RALYL: variants seen among roughly 807,000 people sequenced by gnomAD.
RALYL encodes the protein RNA-binding Raly-like protein.
A neutral mutation model predicts 35.1 loss-of-function variants in RALYL; 29 were observed. The observed-to-expected ratio is 0.83, with a 90% CI of 0.61 to 1.13. The LOEUF is 1.13. RALYL is among the 50% of genes most tolerant of loss of function. The probability of loss-of-function intolerance (pLI) is 0.00; values close to 1 mark genes in which losing one functional copy is unlikely to be tolerated. For synonymous variants in RALYL, 120 were observed against 127.6 expected (o/e 0.94, Z 0.40); for missense variants, 359 against 360.4 (o/e 1.00, Z 0.03).
intron 1 of RALYL, among the ~76,000 whole-genome samples, chr8:84,217,445 T>G (rs571562511): frequency 2.0e-5 from 3 of 152,226 alleles, no homozygotes; most frequent in African/African-American, 7.2e-5. Context: ...ATTTTGTATG[T>G]GCACCTAGAC....
intron 1 of RALYL, among the ~76,000 whole-genome samples, chr8:84,510,750 C>T (rs540393368): frequency 5.9e-5 from 9 of 151,614 alleles, no homozygotes; most frequent in East Asian, 3.9e-4. Flanking sequence ...GTGGAGGTTG[C>T]GGTGAGCTGA....
chr8:84,440,809 TA>T (rs2048249957), intron 1 of RALYL, among the ~76,000 whole-genome samples: 1 of 150,482 alleles, frequency 6.6e-6, no homozygotes, highest in Non-Finnish European at 1.5e-5. Context: ...TGAACAAAGC[TA>T]CATTAAGCTA....
chr8:84,894,636 G>T (rs1844426257), intron 8 of RALYL, among the ~76,000 whole-genome samples: 1 of 152,204 alleles, frequency 6.6e-6, no homozygotes. Context: ...GTTCTCAACA[G>T]AAATGGGATA....
chr8:84,275,495 T>TA (rs1563651982), intron 1 of RALYL, among the ~76,000 whole-genome samples: 18 of 151,380 alleles, frequency 1.2e-4, no homozygotes, highest in African/African-American at 4.4e-4. Context: ...ATATATATAT[T>TA]ATGAAATGGC....
chr8:84,732,312 C>T (rs1846327096), intron 2 of RALYL, among the ~76,000 whole-genome samples: 2 of 152,092 alleles, frequency 1.3e-5, no homozygotes, highest in African/African-American at 2.4e-5. Flanking sequence ...ATAGCCTCAT[C>T]TGTGCTTAAA....
intron 3 of RALYL, among the ~76,000 whole-genome samples, chr8:84,780,810 A>C (rs1264441571): frequency 1.3e-5 from 2 of 152,194 alleles, no homozygotes; most frequent in Non-Finnish European, 2.9e-5. Context: ...GATTATTCAA[A>C]GAAAACATCT....
At position 84,234,305 on chromosome 8, in the gene RALYL, G is replaced by A. The variant is rs535722291; in HGVS notation, c.-24+49881G>A. On this transcript the variant is annotated intron_variant, in intron 1 of 8. Coordinates refer to ENST00000521268, the MANE Select transcript of RALYL (RefSeq NM_173848.7). ...GACCCAAATAAAAATGGTATCTTTT[G>A]TAGAAAGCTCTGTAAAGGATACCTT... Among the ~76,000 whole-genome samples, 29 of 152,102 alleles carry A rather than the reference G, an allele frequency of 1.9e-4. No homozygotes were observed. In the East Asian group the frequency reaches 3.9e-3, roughly 20 times the overall value.
intron 1 of RALYL, among the ~76,000 whole-genome samples, chr8:84,372,886 G>GTTTTTTTTTTTTTGTTTTGTTTTGTTTT (rs1856071710): frequency 5.1e-5 from 2 of 39,062 alleles, no homozygotes; most frequent in African/African-American, 2.2e-4. Flanking sequence ...GCCAGCATCT[G>GTTTTTTTTTTTTTGTTTTGTTTTGTTTT]TTTTTTTTTT....
At chr8:84,541,933 C>T (rs772939204) in intron 2 of RALYL, among the ~76,000 whole-genome samples, 13 of 151,922 alleles carry the variant, frequency 8.6e-5, no homozygotes, top group Non-Finnish European at 1.6e-4. Context: ...TTTCAGTGAT[C>T]CTGTGTCTTA....
chr8:84,617,073 A>C (rs181150819), intron 2 of RALYL, among the ~76,000 whole-genome samples: 1 of 149,002 alleles, frequency 6.7e-6, no homozygotes, highest in African/African-American at 2.5e-5. Context: ...TCGGTGATGC[A>C]GGCTCTTTTT....
At chr8:84,486,193 T>A (rs1480666846) in intron 1 of RALYL, among the ~76,000 whole-genome samples, 1 of 150,940 alleles carries the variant, frequency 6.6e-6, no homozygotes, top group East Asian at 1.9e-4. Flanking sequence ...AGAATATAAT[T>A]AATAATAATA....
chr8:84,801,971 A>AAAGT (rs1470422277), intron 3 of RALYL, among the ~76,000 whole-genome samples: 1 of 152,236 alleles, frequency 6.6e-6, no homozygotes, highest in African/African-American at 2.4e-5. Context: ...ATATGTATTA[A>AAAGT]AAGTAAAGAA....
intron 7 of RALYL, among the ~76,000 whole-genome samples, chr8:84,883,882 G>A (rs144353146): frequency 3.4e-4 from 52 of 152,152 alleles, no homozygotes; most frequent in African/African-American, 1.3e-3. Flanking sequence ...GTTATAACAT[G>A]TTTGTGTGGT....
At chr8:84,275,907 T>C (rs2132011127) in intron 1 of RALYL, among the ~76,000 whole-genome samples, 1 of 152,286 alleles carries the variant, frequency 6.6e-6, no homozygotes, top group East Asian at 1.9e-4. Context: ...ATTTTTTGTT[T>C]TTATATTCTA....
intron 2 of RALYL, among the ~76,000 whole-genome samples, chr8:84,631,055 G>T (rs1274388640): frequency 1.3e-5 from 2 of 151,916 alleles, no homozygotes; most frequent in Non-Finnish European, 2.9e-5. Context: ...GAAACATCGT[G>T]GAAGAAAAGT....
intron 1 of RALYL, among the ~76,000 whole-genome samples, chr8:84,368,853 G>T (rs1203442818): frequency 6.6e-6 from 1 of 152,036 alleles, no homozygotes; most frequent in Non-Finnish European, 1.5e-5. Context: ...CATAATCAAA[G>T]AAATTAACAG....
chr8:84,765,814 A>G (rs1344486189), intron 2 of RALYL, among the ~76,000 whole-genome samples: 2 of 150,584 alleles, frequency 1.3e-5, no homozygotes, highest in African/African-American at 2.4e-5. Context: ...TGAATTATTT[A>G]GACTTCTATT....
intron 1 of RALYL, among the ~76,000 whole-genome samples, chr8:84,317,325 A>G (rs1414005798): frequency 1.3e-5 from 2 of 152,134 alleles, no homozygotes; most frequent in Admixed American, 1.3e-4. Flanking sequence ...AAATTTCTGA[A>G]TAGATGATCA....
intron 1 of RALYL, among the ~76,000 whole-genome samples, chr8:84,424,962 A>G (rs1279791971): frequency 6.6e-6 from 1 of 151,902 alleles, no homozygotes; most frequent in Admixed American, 6.6e-5. Context: ...AAGCTGTCAG[A>G]CAGGGACATT....
Sources: allele counts gnomAD v4.1 joint callset (sites outside exome capture counted in the v4.1 genomes callset), GRCh38; gene constraint gnomAD v4.1.1; transcripts MANE v1.5; gene names NCBI Gene and HGNC (gene_info 2026-07-23, HGNC 2026-07-21).